Variants in CFAP54 observed in about 807,000 individuals in gnomAD.
CFAP54 encodes the protein cilia- and flagella-associated protein 54.
Under a neutral mutation model 370.4 loss-of-function variants are expected in CFAP54, and 290 were observed. The ratio of observed to expected loss-of-function variants is 0.78; its 90% CI spans 0.71 to 0.86. The LOEUF is 0.86. Ranked by LOEUF, CFAP54 falls within the 40% of genes least tolerant of loss-of-function variation. CFAP54 has a pLI of 0.00. For missense variants in CFAP54, 3,399 were observed against 3,528.7 expected, an observed-to-expected ratio of 0.96 and a Z score of 0.93; for synonymous variants, 1,206 against 1,236.5, an observed-to-expected ratio of 0.98 and a Z score of 0.52.
intron 32 of CFAP54, among the ~76,000 whole-genome samples, chr12:96,632,245 G>A (rs1285065801): frequency 6.6e-6 from 1 of 151,880 alleles, no homozygotes; most frequent in Non-Finnish European, 1.5e-5. Flanking sequence ...TGGCTCATCA[G>A]TTCACATTTT....
chr12:96,617,426 A>T lies in CFAP54; in HGVS notation c.3640-4164A>T, dbSNP rs186091983. 3.0e-3 allele frequency among the ~76,000 whole-genome samples: 458 copies of T among 152,300 alleles called. 4 individuals carry two copies. The highest frequency in any genetic ancestry group is 0.01 in the African/African-American group (419 of 41,560). ...ATTTCAAGGGTGCACTTAGTCCAAG[A>T]GGTCAATCCTTCTTCCAAATACTAG... On this transcript the variant is annotated intron_variant, in intron 26 of 67. Transcript: ENST00000524981.
At chr12:96,494,559 C>A (rs1322536721) in intron 1 of CFAP54, among the ~76,000 whole-genome samples, 1 of 151,852 alleles carries the variant, frequency 6.6e-6, no homozygotes, top group Admixed American at 6.6e-5. Context: ...CCTCAGCCTC[C>A]CAAAGTGCTG....
At chr12:96,787,097 G>A (rs1252762880) in intron 62 of CFAP54, among the ~76,000 whole-genome samples, 199 bp downstream of exon 62, 2 of 152,118 alleles carry the variant, frequency 1.3e-5, no homozygotes, top group African/African-American at 4.8e-5. Context: ...CATTTCAATT[G>A]TTCAGTCTTG....
intron 15 of CFAP54, among the ~76,000 whole-genome samples, chr12:96,551,482 G>GGTGT (rs1420792545): frequency 0.02 from 1,961 of 98,448 alleles, 44 homozygotes; most frequent in African/African-American, 0.073. Context: ...TTCTTGAATG[G>GGTGT]GTATGTGTGT....
intron 2 of CFAP54, among the ~76,000 whole-genome samples, chr12:96,502,364 C>T (rs1159236655): frequency 9.4e-6 from 1 of 106,180 alleles, no homozygotes; most frequent in Non-Finnish European, 1.8e-5. Context: ...GAGTTTGAGA[C>T]AAGCCTGGGT....
intron 32 of CFAP54, among the ~76,000 whole-genome samples, chr12:96,631,257 A>G (rs1956604741): frequency 6.6e-6 from 1 of 151,898 alleles, no homozygotes; most frequent in Admixed American, 6.6e-5. Context: ...AGGTATAAAA[A>G]TAATATAACA....
At chr12:96,534,754 GC>G (rs1294961831) in intron 11 of CFAP54, among the ~76,000 whole-genome samples, 1 of 152,044 alleles carries the variant, frequency 6.6e-6, no homozygotes, top group Non-Finnish European at 1.5e-5. Context: ...TTAATGTTTT[GC>G]CATGTTCTTA....
intron 58 of CFAP54, among the ~76,000 whole-genome samples, chr12:96,760,400 A>G (rs1807173574): frequency 6.6e-6 from 1 of 152,212 alleles, no homozygotes; most frequent in South Asian, 2.1e-4. Context: ...CATTTTCATC[A>G]TCCCAAGAAA....
intron 25 of CFAP54, among the ~76,000 whole-genome samples, chr12:96,596,394 G>A (rs1020612551): frequency 1.3e-5 from 2 of 152,080 alleles, no homozygotes; most frequent in African/African-American, 4.8e-5. Flanking sequence ...CAGTAGAACA[G>A]AGGGTAGTTT....
chr12:96,526,996 G>A (rs965097456), intron 8 of CFAP54, among the ~76,000 whole-genome samples: 1 of 147,190 alleles, frequency 6.8e-6, no homozygotes, highest in Non-Finnish European at 1.5e-5. Flanking sequence ...CCTGGGCTCA[G>A]GTGATCCTCC....
chr12:96,674,316 A>G (rs911318478), intron 39 of CFAP54, among the ~76,000 whole-genome samples: 12 of 147,502 alleles, frequency 8.1e-5, no homozygotes, highest in African/African-American at 2.8e-4. Flanking sequence ...GAGTGGTACA[A>G]TGAAAGACAC....
At chr12:96,828,863 G>T in intron 65 of CFAP54, 151 bp from the exon 66 acceptor site, 2 of 416,132 alleles carry the variant, frequency 4.8e-6, no homozygotes, top group Non-Finnish European at 8.5e-6. Flanking sequence ...TTACTTAAGG[G>T]GTTATGATTT....
At position 96,825,379 on chromosome 12, in the gene CFAP54, G is replaced by GTA. The variant is rs1565992624; in HGVS notation, c.9097-3634_9097-3633insAT. On this transcript the variant is annotated intron_variant, in intron 65 of 67. Coordinates refer to ENST00000524981, the MANE Select transcript of CFAP54 (RefSeq NM_001306084.2). ...TTATATTATATATTATGTAACATGT[G>GTA]TTATATATTATGTAACATGTTGTAT... is the stretch of plus-strand genomic sequence containing the variant. Among the ~76,000 whole-genome samples the GTA allele has an allele frequency of 3.3e-3, 361 of 110,280 alleles. 14 individuals are homozygous for GTA. The East Asian group carries it at 0.042, about 13-fold the overall frequency. The allele number at this position is 110,280 out of a possible 152,430, so 72.3% of individuals were successfully genotyped here.
chr12:96,862,814 G>A (rs776242324), intron 67 of CFAP54, among the ~76,000 whole-genome samples: 1 of 152,112 alleles, frequency 6.6e-6, no homozygotes, highest in African/African-American at 2.4e-5. Flanking sequence ...GGGTTTACAC[G>A]TTTCTTTGCT....
chr12:96,702,964 A>G (rs1957506810), intron 46 of CFAP54, among the ~76,000 whole-genome samples: 1 of 152,156 alleles, frequency 6.6e-6, no homozygotes, highest in African/African-American at 2.4e-5. Flanking sequence ...CTTATCATCA[A>G]ATCTAAAGTC....
intron 32 of CFAP54, among the ~76,000 whole-genome samples, chr12:96,640,619 T>C (rs1428482386): frequency 2.6e-5 from 4 of 152,152 alleles, no homozygotes; most frequent in African/African-American, 9.7e-5. Context: ...CATTGCCAAG[T>C]CAATCCTAAG....
chr12:96,535,028 G>A (rs1955486952), intron 11 of CFAP54, among the ~76,000 whole-genome samples: 1 of 149,922 alleles, frequency 6.7e-6, no homozygotes, highest in African/African-American at 2.5e-5. Context: ...GTGTGTGTGT[G>A]TGTGTGTGTG....
At chr12:96,828,552 CCTGT>C (rs1444694892) in intron 65 of CFAP54, among the ~76,000 whole-genome samples, 1 of 152,092 alleles carries the variant, frequency 6.6e-6, no homozygotes, top group Non-Finnish European at 1.5e-5. Flanking sequence ...ACAGATTCAA[CCTGT>C]CTGTGGGTAG....
chr12:96,525,217 C>A (rs915948832), intron 8 of CFAP54, among the ~76,000 whole-genome samples: 1 of 150,604 alleles, frequency 6.6e-6, no homozygotes, highest in Non-Finnish European at 1.5e-5. Context: ...AACTTTATTT[C>A]TTTGAGCCAA....
Sources: gnomAD v4.1 joint callset for allele counts (sites outside exome capture counted in the v4.1 genomes callset) on GRCh38, gnomAD v4.1.1 for gene constraint, MANE v1.5 for transcripts, NCBI Gene and HGNC (gene_info 2026-07-23, HGNC 2026-07-21) for gene names.